ANO4: variants seen among roughly 807,000 people sequenced by gnomAD.
ANO4 encodes anoctamin-4.
Under a neutral mutation model 141.9 loss-of-function variants are expected in ANO4, and 69 were observed. That is an observed-to-expected ratio of 0.49 (90% CI 0.40 to 0.59). The LOEUF (loss-of-function observed/expected upper bound fraction) is 0.59. Among genes scored for constraint, ANO4 ranks in the 20% least tolerant of loss-of-function variants. The pLI is 0.00. For missense variants in ANO4, 894 were observed against 1,162.2 expected, an observed-to-expected ratio of 0.77 and a Z score of 3.36; for synonymous variants, 350 against 394.3, an observed-to-expected ratio of 0.89 and a Z score of 1.33.
intron 1 of ANO4, among the ~76,000 whole-genome samples, chr12:100,797,850 TCAGA>T (rs1346619839): frequency 6.6e-6 from 1 of 152,190 alleles, no homozygotes; most frequent in Non-Finnish European, 1.5e-5. Context: ...ACAGACAAAC[TCAGA>T]CAGTGAAAAA....
At chr12:100,724,380 A>G (rs2031010401) in intron 1 of ANO4, among the ~76,000 whole-genome samples, 1 of 152,188 alleles carries the variant, frequency 6.6e-6, no homozygotes, top group African/African-American at 2.4e-5. Context: ...AGGATGCAAG[A>G]TGAGTAAAAG....
At chr12:100,731,483 A>C (rs1454861453) in intron 1 of ANO4, among the ~76,000 whole-genome samples, 1 of 152,134 alleles carries the variant, frequency 6.6e-6, no homozygotes, top group Non-Finnish European at 1.5e-5. Context: ...TGCATTTGTT[A>C]CAATTGATAA....
intron 14 of ANO4, among the ~76,000 whole-genome samples, chr12:101,064,864 G>A (rs1051500913): frequency 2.0e-5 from 3 of 152,018 alleles, no homozygotes; most frequent in Non-Finnish European, 4.4e-5. Flanking sequence ...ACATTGTCCT[G>A]CTCCCTCCCA....
intron 14 of ANO4, among the ~76,000 whole-genome samples, chr12:101,052,410 A>G (rs1453519170): frequency 1.3e-5 from 2 of 152,162 alleles, no homozygotes; most frequent in Non-Finnish European, 2.9e-5. Flanking sequence ...TCAGGGAACT[A>G]GATGTTGGCA....
At chr12:100,728,473 T>C (rs2031236893) in intron 1 of ANO4, among the ~76,000 whole-genome samples, 2 of 152,186 alleles carry the variant, frequency 1.3e-5, no homozygotes, top group Non-Finnish European at 2.9e-5. Flanking sequence ...CCTCCTGTCT[T>C]TGCCTCTGCT....
chr12:101,094,071 G>A (rs551336863), intron 17 of ANO4, among the ~76,000 whole-genome samples, 185 bp from the exon 18 acceptor site: 3 of 152,050 alleles, frequency 2.0e-5, no homozygotes, highest in East Asian at 1.9e-4. Flanking sequence ...TGAAAATTAC[G>A]CTAATCTCCA....
At chr12:100,908,960 C>T (rs2040973150) in intron 2 of ANO4, among the ~76,000 whole-genome samples, 1 of 152,070 alleles carries the variant, frequency 6.6e-6, no homozygotes, top group South Asian at 2.1e-4. Flanking sequence ...GGGAATTTGC[C>T]CTCCTTGGAG....
intron 2 of ANO4, among the ~76,000 whole-genome samples, chr12:100,735,334 A>C (rs749889488): frequency 6.6e-6 from 1 of 152,244 alleles, no homozygotes; most frequent in Non-Finnish European, 1.5e-5. Context: ...AAACAAAGAT[A>C]GTTTAAAAAT....
intron 21 of ANO4, among the ~76,000 whole-genome samples, chr12:101,099,302 C>T (rs373856379): frequency 6.6e-6 from 1 of 152,212 alleles, no homozygotes; most frequent in African/African-American, 2.4e-5. Context: ...TAGATATTCT[C>T]AGTCCTCTAT....
At chr12:100,783,062 T>G (rs1374017516) in intron 3 of ANO4, among the ~76,000 whole-genome samples, 1 of 152,186 alleles carries the variant, frequency 6.6e-6, no homozygotes, top group Non-Finnish European at 1.5e-5. Flanking sequence ...CCTCCCTTCC[T>G]TCCTTCCTTC....
At chr12:100,932,569 T>TATGGATAAGCTATA in intron 3 of ANO4, among the ~76,000 whole-genome samples, 1 of 152,308 alleles carries the variant, frequency 6.6e-6, no homozygotes, top group East Asian at 1.9e-4. Context: ...CATAGGGTAT[T>TATGGATAAGCTATA]AACAATAGCT....
chr12:100,923,174 G>A (rs58012033), intron 3 of ANO4, among the ~76,000 whole-genome samples: 3,098 of 151,896 alleles, frequency 0.02, 116 homozygotes, highest in African/African-American at 0.071. Context: ...TCTAGGGTAC[G>A]TGTGAACAAC....
chr12:100,889,454 A>G (rs1245604744), intron 1 of ANO4, among the ~76,000 whole-genome samples: 1 of 152,190 alleles, frequency 6.6e-6, no homozygotes, highest in African/African-American at 2.4e-5. Context: ...AGGAATCGCC[A>G]CACTGACTTC....
intron 9 of ANO4, among the ~76,000 whole-genome samples, chr12:101,020,511 G>GATGATGA: frequency 6.6e-6 from 1 of 152,312 alleles, no homozygotes; most frequent in South Asian, 2.1e-4. Context: ...AATTAAACTG[G>GATGATGA]ATGATGATAC....
chr12:100,870,030 C>T (rs2038954756), intron 1 of ANO4, among the ~76,000 whole-genome samples: 1 of 152,094 alleles, frequency 6.6e-6, no homozygotes, highest in Admixed American at 6.6e-5. Flanking sequence ...TCCTGGAATC[C>T]CACTTCAGGA....
intron 1 of ANO4, among the ~76,000 whole-genome samples, chr12:100,837,857 T>C (rs2037021376): frequency 6.6e-6 from 1 of 152,056 alleles, no homozygotes; most frequent in South Asian, 2.1e-4. Flanking sequence ...GATTTTCAAG[T>C]CAGCATGAGG....
intron 8 of ANO4, among the ~76,000 whole-genome samples, chr12:101,010,964 G>GTGGC (rs2046061787): frequency 6.6e-6 from 1 of 152,168 alleles, no homozygotes; most frequent in Admixed American, 6.5e-5. Context: ...GAGTCAACAT[G>GTGGC]TGGCTGCAGT....
chr12:100,996,662 G>A (rs1347936044), intron 8 of ANO4, among the ~76,000 whole-genome samples: 8 of 152,188 alleles, frequency 5.3e-5, no homozygotes, highest in Admixed American at 5.2e-4. Context: ...TCCAGCCTGG[G>A]CAACAAGAGT....
rs190572011 is a variant in ANO4 at position 100,964,482 on chromosome 12, A to G, written c.457-6824A>G. On this transcript the variant is annotated intron_variant, in intron 5 of 27. Coordinates refer to ENST00000392977, the MANE Select transcript of ANO4 (RefSeq NM_001286615.2). ...ATTCACTATGATTTTTTTTAATCCA[A>G]GAGGCTTATCTGAGTTTCCAATTAG... Among the ~76,000 whole-genome samples, 183 of 152,274 alleles carry G rather than the reference A, an allele frequency of 1.2e-3. 1 individual carries two copies. The highest frequency in any genetic ancestry group is 3.9e-3 in the African/African-American group (161 of 41,566).
Sources: gnomAD v4.1 joint callset for allele counts (sites outside exome capture counted in the v4.1 genomes callset) on GRCh38, gnomAD v4.1.1 for gene constraint, MANE v1.5 for transcripts, NCBI Gene and HGNC (gene_info 2026-07-23, HGNC 2026-07-21) for gene names.